The following PDCD11 variants were observed in gnomAD, a reference collection of about 807,000 sequenced individuals.
The protein encoded by PDCD11 is protein RRP5 homolog.
In PDCD11, 97 loss-of-function variants were observed where a neutral mutation model predicts 198.9. That is an observed-to-expected ratio of 0.49 (90% CI 0.41 to 0.58). The LOEUF (loss-of-function observed/expected upper bound fraction) is 0.58, where lower values mean the gene tolerates loss of function less well. Among genes scored for constraint, PDCD11 ranks in the 20% least tolerant of loss-of-function variants. The probability of loss-of-function intolerance (pLI) is 0.00; values close to 1 mark genes in which losing one functional copy is unlikely to be tolerated. For missense variants in PDCD11, 2,102 were observed against 2,312.7 expected, an observed-to-expected ratio of 0.91 and a Z score of 1.87; for synonymous variants, 893 against 918.0, an observed-to-expected ratio of 0.97 and a Z score of 0.49.
Position 103,439,853 on chromosome 10 carries a change from C to T in PDCD11, c.4133C>T (p.Thr1378Ile). 6.2e-7 allele frequency: 1 copy of T among 1,614,180 alleles called. No individual in the cohort carries two copies. The highest frequency in any genetic ancestry group is 8.5e-7 in the Non-Finnish European group (1 of 1,180,026). ...CACCTCCCTGAAGGGAAGCTGCTCA[C>T]AGCCAGGGTCCTACGGTAGGTGCCT... ...NKHLPEGKLL[T>I]ARVLRLNHQK... is the part of the protein sequence containing the mutation. Residue 1378 changes from threonine to isoleucine, a missense_variant, in exon 28 of 36, where the codon ACA becomes ATA. Physicochemically the swap from Thr to Ile is moderately conservative, Grantham distance 89. Coordinates refer to ENST00000369797, the MANE Select transcript of PDCD11 (RefSeq NM_014976.2).
In PDCD11 at chr10:103,421,574, C is replaced by T. The variant is rs1261987270; in HGVS notation, c.2497+7C>T. The T allele has an allele frequency of 3.9e-6, 6 of 1,546,604 alleles. No individual in the cohort carries two copies. Among genetic ancestry groups the T allele is most frequent in the Non-Finnish European group, 5.3e-6 (6 of 1,142,700 alleles). On this transcript the variant is annotated splice_region_variant and intron_variant, in intron 17 of 35. Coordinates refer to ENST00000369797, the MANE Select transcript of PDCD11 (RefSeq NM_014976.2). ...AGCCTTATGAGCAACCGAGGTGGGG[C>T]ACCTGTGGGGCAGGGGAGGTGGGCC... is the stretch of plus-strand genomic sequence containing the variant.
Position 103,445,521 on chromosome 10 carries a change from A to C in PDCD11, c.5588A>C (p.Glu1863Ala), listed in dbSNP as rs146283066. Residue 1863 changes from glutamate (E) to alanine (A), a missense_variant, in exon 36 of 36, where the codon GAG becomes GCG. Transcript: ENST00000369797. Reference sequence around the variant, plus strand: ...AAGGCCAAGGCCCTGGAGTATGTGGAGGCCAAGAGCTCAGTGCTAGAGGAC... The same window carrying C: ...AAGGCCAAGGCCCTGGAGTATGTGGCGGCCAAGAGCTCAGTGCTAGAGGAC... Reference protein sequence around the residue: ...AVKAKALEYVEAKSSVLED With the variant: ...AVKAKALEYVAAKSSVLED The C allele has an allele frequency of 6.2e-7, 1 of 1,613,792 alleles. No homozygotes were observed. Among genetic ancestry groups the C allele is most frequent in the African/African-American group, 1.3e-5 (1 of 74,928 alleles).
chr10:103,422,087 T>G (rs904900585), intron 17 of PDCD11, among the ~76,000 whole-genome samples: 2 of 146,254 alleles, frequency 1.4e-5, no homozygotes, highest in African/African-American at 5.0e-5. Flanking sequence ...TTATTATTAT[T>G]ATTATTATTA....
chr10:103,421,714 C>T (rs1290730532), intron 17 of PDCD11, 147 bp downstream of exon 17: 2 of 597,446 alleles, frequency 3.3e-6, no homozygotes, highest in Non-Finnish European at 5.9e-6. Flanking sequence ...CCTGTAATCC[C>T]AGCACTTTGG....
chr10:103,414,951 T>TG, intron 11 of PDCD11, 54 bp from the exon 12 acceptor site: 2 of 1,597,926 alleles, frequency 1.3e-6, no homozygotes, highest in Non-Finnish European at 1.7e-6. Context: ...TTGTAAGAGG[T>TG]GGGGGAAAGG....
intron 29 of PDCD11, 47 bp from the exon 30 acceptor site, chr10:103,440,687 G>T (rs371601665): frequency 6.2e-7 from 1 of 1,613,572 alleles, no homozygotes; most frequent in Non-Finnish European, 8.5e-7. Flanking sequence ...GTGTCGCCTG[G>T]GGCTGCAGGA....
chr10:103,430,829 G>C lies in PDCD11; in HGVS notation c.3369-1300G>C, dbSNP rs562119563. On this transcript the variant is annotated intron_variant, in intron 21 of 35. Transcript: ENST00000369797. ...CTTTTTTTTTTTTAAATGGAGTTTC[G>C]CTCTTATTGCCCAGGCTAGAGTGCA... Among the ~76,000 whole-genome samples, 5 of 149,720 alleles carry C rather than the reference G, an allele frequency of 3.3e-5. No individual in the cohort carries two copies. The South Asian group carries it at 1.1e-3, about 32-fold the overall frequency.
chr10:103,414,357 A>G, intron 11 of PDCD11, 27 bp downstream of exon 11: 1 of 1,561,110 alleles, frequency 6.4e-7, no homozygotes, highest in Non-Finnish European at 8.8e-7. Context: ...ATAATTAGGT[A>G]CTGCCTCACC....
intron 13 of PDCD11, 102 bp from the exon 14 acceptor site, chr10:103,417,690 G>A (rs991442851): frequency 8.0e-6 from 10 of 1,254,756 alleles, no homozygotes; most frequent in Admixed American, 2.2e-5. Flanking sequence ...CCAAAGGCTC[G>A]GTAGATCTCC....
chr10:103,415,514 G>A (rs1428513721), intron 12 of PDCD11, among the ~76,000 whole-genome samples: 1 of 152,182 alleles, frequency 6.6e-6, no homozygotes, highest in African/African-American at 2.4e-5. Context: ...GGTATTCCGT[G>A]CCAGTTTCTA....
Position 103,418,715 on chromosome 10 carries a change from C to T in PDCD11, c.2106+81C>T, listed in dbSNP as rs1241416808. The T allele has an allele frequency of 6.8e-6, 8 of 1,181,232 alleles. No homozygotes were observed. The East Asian group carries it at 1.9e-4, about 28-fold the overall frequency. The allele number at this position is 1,181,232 out of a possible 1,614,324, so 73.2% of individuals were successfully genotyped here. On this transcript the variant is annotated intron_variant, in intron 15 of 35. Coordinates refer to ENST00000369797, the MANE Select transcript of PDCD11 (RefSeq NM_014976.2). The stretch of plus-strand genomic sequence containing the variant: ...GATGGGAAATTCTGGGGAAATTAGA[C>T]AGCTATTTGACCTCAGAAATATCTC...
At chr10:103,405,226 C>A (rs1461083461) in intron 5 of PDCD11, 43 bp downstream of exon 5, 1 of 1,600,188 alleles carries the variant, frequency 6.2e-7, no homozygotes, top group Non-Finnish European at 8.5e-7. Context: ...AATGTGCCTT[C>A]TCTCTGCCTC....
rs997256132 is a variant in PDCD11 at position 103,446,279 on chromosome 10, C to T, written c.*730C>T. ...TTGTCTTGGTCATGAGGGAATTAAA[C>T]GTTTTCTCTGGCAGAGCTTTAAGTG... On this transcript the variant is annotated 3_prime_UTR_variant, in exon 36 of 36. Transcript: ENST00000369797. 6.6e-6 allele frequency: 1 copy of T among 152,226 alleles called. No homozygotes were observed. The highest frequency in any genetic ancestry group is 1.5e-5 in the Non-Finnish European group (1 of 68,104). 9.4% of individuals were successfully genotyped at this position (152,226 alleles called of 1,614,324 possible).
chr10:103,445,065 T>C lies in PDCD11; in HGVS notation c.5445-313T>C, dbSNP rs372675395. Reference sequence around the variant, plus strand: ...AAGAACAGGTGCCTCACCCAAGCCCTTCACTATGTATGTTTCTCACTGTTG... The same window carrying C: ...AAGAACAGGTGCCTCACCCAAGCCCCTCACTATGTATGTTTCTCACTGTTG... On this transcript the variant is annotated intron_variant, in intron 35 of 35. Coordinates refer to ENST00000369797, the MANE Select transcript of PDCD11 (RefSeq NM_014976.2). Among the ~76,000 whole-genome samples the C allele has an allele frequency of 1.6e-4, 24 of 152,316 alleles. No individual in the cohort carries two copies. In the East Asian group the frequency reaches 4.4e-3, roughly 28 times the overall value.
intron 35 of PDCD11, among the ~76,000 whole-genome samples, chr10:103,444,889 G>A (rs765222450): frequency 2.0e-5 from 3 of 152,232 alleles, no homozygotes; most frequent in Non-Finnish European, 4.4e-5. Flanking sequence ...ATTGGTAGGA[G>A]GTAGCCTTGT....
chr10:103,416,676 G>C lies in PDCD11; in HGVS notation c.1704G>C (p.Leu568=). 1 of 1,614,218 alleles carries C rather than the reference G, an allele frequency of 6.2e-7. No individual in the cohort carries two copies. The part of the protein sequence containing the change: ...IVKFYNNVQG[L]VPKHELSTEY... ...AGTTCTACAACAATGTGCAGGGACT[G>C]GTGCCCAAGCATGAGCTCAGTACTG... The change falls in exon 13 of 36, where the codon CTG becomes CTC. Residue 568 remains leucine (L), a synonymous_variant. Transcript: ENST00000369797.
chr10:103,427,583 A>T (rs556703260), intron 21 of PDCD11, among the ~76,000 whole-genome samples, 192 bp downstream of exon 21: 3 of 152,282 alleles, frequency 2.0e-5, no homozygotes, highest in African/African-American at 7.2e-5. Context: ...AATTAATGCA[A>T]AAGCTGTGTA....
At chr10:103,429,058 C>T (rs1342282099) in intron 21 of PDCD11, among the ~76,000 whole-genome samples, 1 of 152,152 alleles carries the variant, frequency 6.6e-6, no homozygotes, top group Admixed American at 6.5e-5. Flanking sequence ...ACAGTTTTGA[C>T]TTAACGGAGG....
chr10:103,408,409 A>G (rs1308507619), intron 7 of PDCD11, among the ~76,000 whole-genome samples: 3 of 152,124 alleles, frequency 2.0e-5, no homozygotes, highest in Non-Finnish European at 4.4e-5. Context: ...TCTCAACTTT[A>G]ACTTCCAATT....
Sources: allele counts gnomAD v4.1 joint callset (sites outside exome capture counted in the v4.1 genomes callset), GRCh38; gene constraint gnomAD v4.1.1; transcripts MANE v1.5; gene names NCBI Gene and HGNC (gene_info 2026-07-23, HGNC 2026-07-21).